Variants in CWC27 observed in about 807,000 individuals in gnomAD.
CWC27 encodes the protein CWC27 spliceosome associated cyclophilin.
CWC27 carries 47 observed loss-of-function variants against 63.6 expected under a neutral mutation model. The ratio of observed to expected loss-of-function variants is 0.74; its 90% CI spans 0.58 to 0.94. The LOEUF is 0.94. Among genes scored for constraint, CWC27 ranks in the 40% least tolerant of loss-of-function variants. The pLI is 0.00. For missense variants in CWC27, 495 were observed against 554.3 expected (o/e 0.89, Z 1.07); for synonymous variants, 175 against 179.8 (o/e 0.97, Z 0.22).
chr5:64,990,448 G>A lies in CWC27; in HGVS notation c.1256+13210G>A, dbSNP rs1471322247. Among the ~76,000 whole-genome samples the A allele has an allele frequency of 6.0e-5, 6 of 100,780 alleles. 2 individuals carry two copies. Among genetic ancestry groups the A allele is most frequent in the Non-Finnish European group, 1.3e-4 (6 of 46,480 alleles). The allele number at this position is 100,780 out of a possible 152,430, so 66.1% of individuals were successfully genotyped here. A position where few individuals can be genotyped will look rare whatever the true frequency, so the allele number is the denominator to read the frequency against. On this transcript the variant is annotated intron_variant, in intron 13 of 13. Transcript: ENST00000381070. ...CCCGGCTAATTTTTTTGTATTTTTAGTAGAGACGGGGTTTCACCGTTTTAG... is the reference window on the plus strand; with the variant it reads ...CCCGGCTAATTTTTTTGTATTTTTAATAGAGACGGGGTTTCACCGTTTTAG...
Position 64,805,160 on chromosome 5 carries a change from A to C in CWC27, c.938+774A>C, listed in dbSNP as rs149541703. 5.9e-5 allele frequency among the ~76,000 whole-genome samples: 9 copies of C among 152,038 alleles called. No individual in the cohort carries two copies. In the East Asian group the frequency reaches 1.7e-3, roughly 29 times the overall value. On this transcript the variant is annotated intron_variant, in intron 10 of 13. Coordinates refer to ENST00000381070, the MANE Select transcript of CWC27 (RefSeq NM_005869.4). ...TCTCAACCACATGTAGAAAAACTTA[A>C]AAAGGATTTCCACGCTATCATTGCA...
At position 64,994,362 on chromosome 5, in the gene CWC27, CAT is replaced by C. The variant is rs2112460853; in HGVS notation, c.1256+17125_1256+17126del. Among the ~76,000 whole-genome samples the C allele has an allele frequency of 1.3e-5, 2 of 152,220 alleles. 1 individual carries two copies. The highest frequency in any genetic ancestry group is 4.1e-4 in the South Asian group (2 of 4,824). ...ATCAAGAGGATATTGCATAATTTAA[CAT>C]GGATCTTTGTGAAGAAATTCATCCC... On this transcript the variant is annotated intron_variant, in intron 13 of 13. Coordinates refer to ENST00000381070, the MANE Select transcript of CWC27 (RefSeq NM_005869.4).
intron 4 of CWC27, 44 bp downstream of exon 4, chr5:64,784,023 TTA>T: frequency 6.7e-7 from 1 of 1,501,524 alleles, no homozygotes; most frequent in Non-Finnish European, 8.9e-7. Flanking sequence ...GTTTTTGGTT[TTA>T]TGTTATTCCT....
intron 11 of CWC27, among the ~76,000 whole-genome samples, chr5:64,900,697 A>C (rs1387568200): frequency 6.6e-6 from 1 of 152,116 alleles, no homozygotes; most frequent in South Asian, 2.1e-4. Flanking sequence ...ATTTTACATT[A>C]AGATTTGATT....
At position 64,852,478 on chromosome 5, in the gene CWC27, C is replaced by CTT. The variant is rs538486678; in HGVS notation, c.939-32953_939-32952dup. ...AGTCAGATGCTTAAAGGACGAAAAC[C>CTT]TTTTTTTTTTTTTGAGACAGTCTGT... is the stretch of plus-strand genomic sequence containing the variant. On this transcript the variant is annotated intron_variant, in intron 10 of 13. Coordinates refer to ENST00000381070, the MANE Select transcript of CWC27 (RefSeq NM_005869.4). 3.5e-3 allele frequency among the ~76,000 whole-genome samples: 514 copies of CTT among 145,414 alleles called. 2 individuals are homozygous for CTT. Among genetic ancestry groups the CTT allele is most frequent in the Non-Finnish European group, 5.8e-3 (381 of 66,160 alleles).
At chr5:64,863,456 C>G (rs1746459812) in intron 10 of CWC27, among the ~76,000 whole-genome samples, 1 of 151,904 alleles carries the variant, frequency 6.6e-6, no homozygotes, top group Non-Finnish European at 1.5e-5. Flanking sequence ...TACACCCTCC[C>G]TTTCCCTGTG....
chr5:64,769,244 C>T (rs1743151063), intron 1 of CWC27, 56 bp downstream of exon 1: 2 of 1,540,740 alleles, frequency 1.3e-6, no homozygotes. Flanking sequence ...TGAGATTTCC[C>T]GGATTTGGGG....
chr5:64,868,891 C>T (rs919027682), intron 10 of CWC27, among the ~76,000 whole-genome samples: 1 of 151,954 alleles, frequency 6.6e-6, no homozygotes, highest in African/African-American at 2.4e-5. Flanking sequence ...TTTGCATATA[C>T]CCTTCCCTCT....
chr5:64,799,441 C>T (rs1744401303), intron 7 of CWC27, among the ~76,000 whole-genome samples: 3 of 150,394 alleles, frequency 2.0e-5, no homozygotes, highest in South Asian at 4.3e-4. Context: ...CAAATATTAG[C>T]TGGGCGTGGT....
chr5:64,809,491 C>T (rs769836060), intron 10 of CWC27, among the ~76,000 whole-genome samples: 6 of 152,192 alleles, frequency 3.9e-5, no homozygotes, highest in Non-Finnish European at 5.9e-5. Flanking sequence ...CCTCAGACTC[C>T]TAAGTAGCTG....
chr5:64,918,663 A>C (rs1385079818), intron 11 of CWC27, among the ~76,000 whole-genome samples: 5 of 152,216 alleles, frequency 3.3e-5, no homozygotes, highest in African/African-American at 1.2e-4. Flanking sequence ...ACAAAAATTA[A>C]AATAAGACCA....
chr5:64,886,197 CA>C lies in CWC27; in HGVS notation c.1042+660del, dbSNP rs549723257. 2.0e-3 allele frequency among the ~76,000 whole-genome samples: 306 copies of C among 149,448 alleles called. 3 individuals are homozygous for C. The highest frequency in any genetic ancestry group is 5.4e-3 in the African/African-American group (221 of 40,790). ...TTTCACTACGATTTTTATTAAGCTTCAAAAAAAAAGCTTTTTCATTGATGAT... is the reference window on the plus strand; with the variant it reads ...TTTCACTACGATTTTTATTAAGCTTCAAAAAAAAGCTTTTTCATTGATGAT... On this transcript the variant is annotated intron_variant, in intron 11 of 13. Coordinates refer to ENST00000381070, the MANE Select transcript of CWC27 (RefSeq NM_005869.4).
At chr5:64,865,932 T>C (rs1486523115) in intron 10 of CWC27, among the ~76,000 whole-genome samples, 1 of 152,098 alleles carries the variant, frequency 6.6e-6, no homozygotes, top group African/African-American at 2.4e-5. Context: ...ATCTGTCATA[T>C]GGTGTGCCTT....
chr5:64,794,554 A>T (rs1457713783), intron 7 of CWC27, among the ~76,000 whole-genome samples: 1 of 152,108 alleles, frequency 6.6e-6, no homozygotes, highest in African/African-American at 2.4e-5. Flanking sequence ...CTTAAGGAAG[A>T]TCTTGACAAA....
intron 10 of CWC27, among the ~76,000 whole-genome samples, chr5:64,832,566 CATACTTA>C (rs1409379001): frequency 6.6e-6 from 1 of 151,842 alleles, no homozygotes; most frequent in Non-Finnish European, 1.5e-5. Flanking sequence ...AAACAACTAT[CATACTTA>C]TGTCTGCAGT....
intron 10 of CWC27, among the ~76,000 whole-genome samples, chr5:64,868,742 CTT>C (rs1017474805): frequency 2.0e-5 from 3 of 151,576 alleles, no homozygotes; most frequent in African/African-American, 7.3e-5. Flanking sequence ...GCCAATAAAA[CTT>C]TTTTTTTGTA....
chr5:64,932,049 C>T (rs1020255811), intron 11 of CWC27, among the ~76,000 whole-genome samples: 16 of 151,914 alleles, frequency 1.1e-4, no homozygotes, highest in Non-Finnish European at 4.4e-5. Context: ...GGGTAGTTAT[C>T]GTGATTATGA....
intron 1 of CWC27, chr5:64,773,750 G>A (rs1743344328): frequency 6.6e-6 from 1 of 152,118 alleles, no homozygotes; most frequent in South Asian, 2.1e-4. Context: ...TTGGTTATTT[G>A]TGGTTATAAA....
rs118173862 is a variant in CWC27 at position 64,822,392 on chromosome 5, A to T, written c.938+18006A>T. ...AGAAAGTACAGTAGCTTCATGGAAC[A>T]TGGAGAGATTAATTTTGAATTTATG... On this transcript the variant is annotated intron_variant, in intron 10 of 13. Coordinates refer to ENST00000381070, the MANE Select transcript of CWC27 (RefSeq NM_005869.4). 1.1e-3 allele frequency among the ~76,000 whole-genome samples: 166 copies of T among 152,334 alleles called. 2 individuals are homozygous for T. The East Asian group carries it at 0.022, about 20-fold the overall frequency.
Sources: allele counts gnomAD v4.1 joint callset (sites outside exome capture counted in the v4.1 genomes callset), GRCh38; gene constraint gnomAD v4.1.1; transcripts MANE v1.5; gene names NCBI Gene and HGNC (gene_info 2026-07-23, HGNC 2026-07-21).